Variants in SCAPER observed in about 807,000 individuals in gnomAD.
The protein encoded by SCAPER is S phase cyclin A-associated protein in the endoplasmic reticulum.
Under a neutral mutation model 182.2 loss-of-function variants are expected in SCAPER, and 98 were observed. That is an observed-to-expected ratio of 0.54 (90% confidence interval 0.46 to 0.64). The LOEUF (loss-of-function observed/expected upper bound fraction) is 0.64. Ranked by LOEUF, SCAPER falls within the 30% of genes least tolerant of loss-of-function variation. The probability of loss-of-function intolerance (pLI) is 0.00; values close to 1 mark genes in which losing one functional copy is unlikely to be tolerated. For missense variants in SCAPER, 1,432 were observed against 1,690.0 expected (o/e 0.85, Z 2.68); for synonymous variants, 605 against 564.6 (o/e 1.07, Z -1.01).
intron 25 of SCAPER, among the ~76,000 whole-genome samples, chr15:76,455,633 C>T (rs2048672970): frequency 6.6e-6 from 1 of 152,118 alleles, no homozygotes; most frequent in Non-Finnish European, 1.5e-5. Flanking sequence ...CACCACCACA[C>T]CTAGTATTTT....
At chr15:76,718,620 AAG>A (rs1234699263) in intron 17 of SCAPER, among the ~76,000 whole-genome samples, 1 of 151,946 alleles carries the variant, frequency 6.6e-6, no homozygotes, top group African/African-American at 2.4e-5. Flanking sequence ...CAGCCTGGAC[AAG>A]AGAACAAGAT....
Position 76,348,574 on chromosome 15 carries a change from T to C in SCAPER, c.*59A>G, listed in dbSNP as rs1021964790. 1.4e-5 allele frequency: 16 copies of C among 1,179,850 alleles called. No individual in the cohort carries two copies. Among genetic ancestry groups the C allele is most frequent in the African/African-American group, 6.2e-5 (4 of 64,548 alleles). The allele number at this position is 1,179,850 out of a possible 1,614,324, so 73.1% of individuals were successfully genotyped here. A position where few individuals can be genotyped will look rare whatever the true frequency, so the allele number is the denominator to read the frequency against. On this transcript the variant is annotated 3_prime_UTR_variant, in exon 32 of 32. Transcript: ENST00000563290. ...AGTTCTTAAGGAACAATTAGAATGTTTGTTTGGACAATTTAAAATATTAAC... is the reference window on the plus strand; with the variant it reads ...AGTTCTTAAGGAACAATTAGAATGTCTGTTTGGACAATTTAAAATATTAAC...
At chr15:76,798,316 C>T (rs1289470062) in intron 7 of SCAPER, among the ~76,000 whole-genome samples, 4 of 148,998 alleles carry the variant, frequency 2.7e-5, no homozygotes, top group Non-Finnish European at 5.9e-5. Flanking sequence ...GCCAAGATCA[C>T]GTCACTCTAC....
At chr15:76,456,502 T>C (rs1335131805) in intron 25 of SCAPER, among the ~76,000 whole-genome samples, 7 of 152,380 alleles carry the variant, frequency 4.6e-5, no homozygotes, top group Admixed American at 3.9e-4. Context: ...AACTGTCTTA[T>C]GGTCCAGCAT....
chr15:76,893,847 A>G (rs1413209319), intron 1 of SCAPER, among the ~76,000 whole-genome samples: 1 of 152,240 alleles, frequency 6.6e-6, no homozygotes, highest in Non-Finnish European at 1.5e-5. Flanking sequence ...CAAAAGGGAA[A>G]TCAAAAAGTA....
intron 23 of SCAPER, among the ~76,000 whole-genome samples, chr15:76,555,991 A>C (rs1033440888): frequency 1.3e-5 from 2 of 152,182 alleles, no homozygotes; most frequent in African/African-American, 4.8e-5. Context: ...CCATAAAACA[A>C]TTCTCAGCAA....
chr15:76,785,191 AC>A (rs1236077066), intron 8 of SCAPER, among the ~76,000 whole-genome samples: 1 of 152,224 alleles, frequency 6.6e-6, no homozygotes, highest in East Asian at 1.9e-4. Flanking sequence ...CAAGAAAAAA[AC>A]AACCCCATCA....
chr15:76,611,458 C>T (rs922004902), intron 22 of SCAPER, among the ~76,000 whole-genome samples: 1 of 151,996 alleles, frequency 6.6e-6, no homozygotes, highest in Non-Finnish European at 1.5e-5. Flanking sequence ...CAAAAAAAAG[C>T]CCAGGACCAG....
At chr15:76,440,629 G>GA (rs200961787) in intron 25 of SCAPER, among the ~76,000 whole-genome samples, 1,974 of 151,686 alleles carry the variant, frequency 0.013, 16 homozygotes, top group African/African-American at 0.016. Context: ...TCAGAGTACA[G>GA]AAAAAAAAGG....
At chr15:76,410,860 T>G (rs12911615) in intron 26 of SCAPER, among the ~76,000 whole-genome samples, 1 of 131,974 alleles carries the variant, frequency 7.6e-6, no homozygotes, top group East Asian at 2.1e-4. Context: ...AATTCTATTG[T>G]CTATCCTTCA....
chr15:76,654,277 G>T (rs565054857), intron 21 of SCAPER, among the ~76,000 whole-genome samples: 1 of 152,074 alleles, frequency 6.6e-6, no homozygotes, highest in East Asian at 1.9e-4. Context: ...GCATGGTGGT[G>T]GGCGCCTGTA....
At chr15:76,686,867 G>C (rs2058065432) in intron 20 of SCAPER, among the ~76,000 whole-genome samples, 1 of 152,004 alleles carries the variant, frequency 6.6e-6, no homozygotes, top group African/African-American at 2.4e-5. Context: ...TTTAGGAATA[G>C]ACCTACATTC....
At chr15:76,579,417 GTTAT>G (rs1170937532) in intron 22 of SCAPER, among the ~76,000 whole-genome samples, 2 of 151,656 alleles carry the variant, frequency 1.3e-5, no homozygotes, top group African/African-American at 2.4e-5. Flanking sequence ...TTGCTTGTTT[GTTAT>G]TTAGTTTTTT....
chr15:76,624,688 C>T (rs182984871), intron 21 of SCAPER, among the ~76,000 whole-genome samples: 47 of 152,252 alleles, frequency 3.1e-4, no homozygotes, highest in African/African-American at 1.0e-3. Flanking sequence ...TGAAGTTTTG[C>T]TGGGGATGGG....
At chr15:76,715,046 A>G (rs2059815031) in intron 17 of SCAPER, among the ~76,000 whole-genome samples, 1 of 152,130 alleles carries the variant, frequency 6.6e-6, no homozygotes, top group Admixed American at 6.5e-5. Context: ...CAAACGGCCA[A>G]GCTACTACAG....
chr15:76,748,306 T>C (rs1427281402), intron 15 of SCAPER, among the ~76,000 whole-genome samples: 1 of 152,076 alleles, frequency 6.6e-6, no homozygotes, highest in Non-Finnish European at 1.5e-5. Flanking sequence ...TGGATATTCT[T>C]ATGCAAAAGA....
At chr15:76,520,328 C>T (rs374046566) in intron 23 of SCAPER, among the ~76,000 whole-genome samples, 87 of 152,302 alleles carry the variant, frequency 5.7e-4, no homozygotes, top group African/African-American at 1.9e-3. Context: ...AAGTGACCCT[C>T]CCAACCCAGC....
chr15:76,535,538 A>AAG (rs959390736), intron 23 of SCAPER, among the ~76,000 whole-genome samples: 2 of 151,300 alleles, frequency 1.3e-5, no homozygotes, highest in African/African-American at 2.4e-5. Flanking sequence ...AAAAAAAAAA[A>AAG]AAAAAAAAAG....
chr15:76,704,594 T>C (rs545648232), intron 18 of SCAPER, among the ~76,000 whole-genome samples: 42 of 152,308 alleles, frequency 2.8e-4, no homozygotes, highest in African/African-American at 8.9e-4. Flanking sequence ...CTTTCCCCAT[T>C]GCTTGTTTTT....
Sources: allele counts gnomAD v4.1 joint callset (sites outside exome capture counted in the v4.1 genomes callset), GRCh38; gene constraint gnomAD v4.1.1; transcripts MANE v1.5; gene names NCBI Gene and HGNC (gene_info 2026-07-23, HGNC 2026-07-21).